Variants in NALF1 observed in about 807,000 individuals in gnomAD.
The protein encoded by NALF1 is family with sequence similarity 155 member A.
In NALF1, 3 loss-of-function variants were observed where a neutral mutation model predicts 48.4. The observed-to-expected ratio is 0.06, with a 90% CI of 0.03 to 0.16. NALF1 has a LOEUF of 0.16. Among genes scored for constraint, NALF1 ranks in the 10% least tolerant of loss-of-function variants. The probability of loss-of-function intolerance (pLI) is 1.00; values close to 1 mark genes in which losing one functional copy is unlikely to be tolerated. For missense variants in NALF1, 526 were observed against 571.5 expected, an observed-to-expected ratio of 0.92 and a Z score of 0.81; for synonymous variants, 262 against 245.7, an observed-to-expected ratio of 1.07 and a Z score of -0.62.
chr13:107,770,481 T>C (rs1375853080), intron 1 of NALF1, among the ~76,000 whole-genome samples: 1 of 152,200 alleles, frequency 6.6e-6, no homozygotes, highest in Non-Finnish European at 1.5e-5. Context: ...TAGTTTATTA[T>C]TAAATAAGAG....
chr13:107,278,096 G>T (rs774846713), intron 1 of NALF1, among the ~76,000 whole-genome samples: 1 of 152,144 alleles, frequency 6.6e-6, no homozygotes, highest in Non-Finnish European at 1.5e-5. Context: ...TGAAGTATCC[G>T]TTGCCTTGTT....
chr13:107,306,966 CAAACA>C (rs902809180), intron 1 of NALF1, among the ~76,000 whole-genome samples: 4 of 152,090 alleles, frequency 2.6e-5, no homozygotes, highest in African/African-American at 2.4e-5. Flanking sequence ...TCAAAAAAAA[CAAACA>C]AAACAAAACA....
chr13:107,369,748 T>C (rs1883216680), intron 1 of NALF1, among the ~76,000 whole-genome samples: 1 of 152,146 alleles, frequency 6.6e-6, no homozygotes, highest in South Asian at 2.1e-4. Context: ...AGAATCCCTT[T>C]GGACAGTGAT....
rs183525575 is a variant in NALF1 at position 107,262,313 on chromosome 13, G to A, written c.916-51558C>T. Among the ~76,000 whole-genome samples, 4 of 152,252 alleles carry A rather than the reference G, an allele frequency of 2.6e-5. No individual in the cohort carries two copies. The East Asian group carries it at 5.8e-4, about 22-fold the overall frequency. On this transcript the variant is annotated intron_variant, in intron 1 of 2. Transcript: ENST00000375915. ...GCCTGTTGTCCCAGCTACTCAGGAG[G>A]CTGAGACAGGAGGATCACTTGAACC...
chr13:107,278,262 T>G (rs1881319492), intron 1 of NALF1, among the ~76,000 whole-genome samples: 1 of 152,256 alleles, frequency 6.6e-6, no homozygotes, highest in Non-Finnish European at 1.5e-5. Context: ...ATGTTAATTT[T>G]TGCCATTCCT....
At chr13:107,661,897 A>G (rs1880742867) in intron 1 of NALF1, among the ~76,000 whole-genome samples, 1 of 152,162 alleles carries the variant, frequency 6.6e-6, no homozygotes, top group Non-Finnish European at 1.5e-5. Context: ...AAATCTACAT[A>G]AATTTCTTAT....
chr13:107,510,724 G>T (rs536457727), intron 1 of NALF1, among the ~76,000 whole-genome samples: 1 of 152,256 alleles, frequency 6.6e-6, no homozygotes, highest in South Asian at 2.1e-4. Flanking sequence ...AGCAACGCCA[G>T]ACAAGGACAT....
At chr13:107,609,272 G>A (rs908166929) in intron 1 of NALF1, among the ~76,000 whole-genome samples, 5 of 152,168 alleles carry the variant, frequency 3.3e-5, no homozygotes, top group Middle Eastern at 3.4e-3. Context: ...ACAAATCTTC[G>A]CCGAGAGCAG....
chr13:107,561,733 T>A (rs748156779), intron 1 of NALF1, among the ~76,000 whole-genome samples: 1 of 152,240 alleles, frequency 6.6e-6, no homozygotes, highest in African/African-American at 2.4e-5. Flanking sequence ...CAGTCACAGA[T>A]AATGATTATT....
chr13:107,340,442 T>TTCTC (rs533034299), intron 1 of NALF1, among the ~76,000 whole-genome samples: 2 of 108,592 alleles, frequency 1.8e-5, no homozygotes, highest in Admixed American at 9.8e-5. Context: ...CGCCTGACCT[T>TTCTC]TCTCTTTCTT....
chr13:107,582,893 A>C (rs1878354746), intron 1 of NALF1, among the ~76,000 whole-genome samples: 1 of 152,174 alleles, frequency 6.6e-6, no homozygotes, highest in African/African-American at 2.4e-5. Context: ...ACACTGCTCC[A>C]TACACTGCTT....
chr13:107,434,962 T>G (rs1008495524), intron 1 of NALF1, among the ~76,000 whole-genome samples: 4 of 152,168 alleles, frequency 2.6e-5, no homozygotes, highest in African/African-American at 9.6e-5. Context: ...CTTCTCAACT[T>G]CATTGGCCTC....
At chr13:107,518,831 A>G (rs554578924) in intron 1 of NALF1, among the ~76,000 whole-genome samples, 4 of 152,332 alleles carry the variant, frequency 2.6e-5, no homozygotes, top group Admixed American at 6.5e-5. Context: ...TATATTTGGA[A>G]AAGTGAATTT....
At chr13:107,327,942 A>T (rs114475511) in intron 1 of NALF1, among the ~76,000 whole-genome samples, 1,866 of 151,260 alleles carry the variant, frequency 0.012, 51 homozygotes, top group African/African-American at 0.043. Flanking sequence ...TTTTTTTAAG[A>T]CAGGATATCA....
intron 1 of NALF1, among the ~76,000 whole-genome samples, chr13:107,705,492 T>A (rs1881926293): frequency 7.9e-6 from 1 of 126,588 alleles, no homozygotes; most frequent in Non-Finnish European, 1.6e-5. Flanking sequence ...GTTCATATGC[T>A]AAGTCTAAAG....
At chr13:107,353,493 T>G (rs548407131) in intron 1 of NALF1, among the ~76,000 whole-genome samples, 45 of 152,186 alleles carry the variant, frequency 3.0e-4, no homozygotes, top group African/African-American at 1.1e-3. Context: ...GCTGTCTGTT[T>G]GTTTGTCTTG....
At chr13:107,825,410 T>C (rs1344717066) in intron 1 of NALF1, among the ~76,000 whole-genome samples, 3 of 152,254 alleles carry the variant, frequency 2.0e-5, no homozygotes, top group Non-Finnish European at 4.4e-5. Context: ...GAAAAAAAGT[T>C]GATGCTCATT....
At chr13:107,779,729 T>C (rs545499573) in intron 1 of NALF1, among the ~76,000 whole-genome samples, 4 of 152,332 alleles carry the variant, frequency 2.6e-5, no homozygotes, top group Admixed American at 6.5e-5. Context: ...AATTAATACT[T>C]TGAAGTTTCC....
intron 2 of NALF1, among the ~76,000 whole-genome samples, chr13:107,184,556 A>G (rs1879133497): frequency 6.6e-6 from 1 of 151,980 alleles, no homozygotes; most frequent in African/African-American, 2.4e-5. Context: ...ACATATTTGC[A>G]TGTTTTCCTT....
Sources: gnomAD v4.1 joint callset for allele counts (sites outside exome capture counted in the v4.1 genomes callset) on GRCh38, gnomAD v4.1.1 for gene constraint, MANE v1.5 for transcripts, NCBI Gene and HGNC (gene_info 2026-07-23, HGNC 2026-07-21) for gene names.